The following SV2C variants were observed in gnomAD, a reference collection of about 807,000 sequenced individuals.
SV2C encodes the protein synaptic vesicle glycoprotein 2C.
SV2C carries 49 observed loss-of-function variants against 79.7 expected under a neutral mutation model. The ratio of observed to expected loss-of-function variants is 0.61; its 90% CI spans 0.49 to 0.78. SV2C has a LOEUF of 0.78. Among genes scored for constraint, SV2C ranks in the 30% least tolerant of loss-of-function variants. The probability of loss-of-function intolerance (pLI) is 0.00; values close to 1 mark genes in which losing one functional copy is unlikely to be tolerated. For missense variants in SV2C, 833 were observed against 912.9 expected (o/e 0.91, Z 1.13); for synonymous variants, 334 against 333.2 (o/e 1.00, Z -0.03).
At chr5:76,137,068 C>T (rs1484373816) in intron 2 of SV2C, among the ~76,000 whole-genome samples, 1 of 152,130 alleles carries the variant, frequency 6.6e-6, no homozygotes, top group Non-Finnish European at 1.5e-5. Flanking sequence ...TGACCATTTG[C>T]AAGTAATTTA....
At chr5:76,218,860 A>AGTC (rs1744983241) in intron 4 of SV2C, among the ~76,000 whole-genome samples, 1 of 4,194 alleles carries the variant, frequency 2.4e-4, no homozygotes, top group African/African-American at 8.8e-4. Context: ...GTAGTCTCGT[A>AGTC]TTTTCATATT....
chr5:76,034,643 T>C, the SV2C span, among the ~76,000 whole-genome samples: 33,450 of 152,048 alleles, frequency 0.22, 4,048 homozygotes, highest in East Asian at 0.49. Flanking sequence ...CTGCTGGATT[T>C]GGTTTGCCAG....
At chr5:76,003,756 A>G in the SV2C span, among the ~76,000 whole-genome samples, 252 of 152,228 alleles carry the variant, frequency 1.7e-3, 7 homozygotes, top group East Asian at 0.043. Flanking sequence ...TATAAAAAGC[A>G]GGGGCCATTT....
intron 12 of SV2C, among the ~76,000 whole-genome samples, chr5:76,303,073 T>C (rs1469765483): frequency 3.3e-5 from 5 of 152,168 alleles, no homozygotes; most frequent in Non-Finnish European, 7.4e-5. Context: ...TGCAGAACCC[T>C]GTAGGTACCC....
chr5:76,129,406 A>T (rs1437529782), intron 1 of SV2C, among the ~76,000 whole-genome samples: 1 of 150,656 alleles, frequency 6.6e-6, no homozygotes, highest in African/African-American at 2.5e-5. Context: ...GAGAACTTAT[A>T]TGTGCACATC....
the SV2C span, among the ~76,000 whole-genome samples, chr5:75,949,370 T>A: frequency 6.6e-6 from 1 of 152,026 alleles, no homozygotes; most frequent in Non-Finnish European, 1.5e-5. Flanking sequence ...AAGTGACCTA[T>A]TCAAGCTGTT....
At position 76,292,779 on chromosome 5, in the gene SV2C, A is replaced by G. The variant is rs187899336; in HGVS notation, c.1337+923A>G. Among the ~76,000 whole-genome samples, 3 of 152,352 alleles carry G rather than the reference A, an allele frequency of 2.0e-5. No homozygotes were observed. The East Asian group carries it at 5.8e-4, about 29-fold the overall frequency. ...CATATATGTGTTCCAGGAAAAGAGG[A>G]AATAGGGAGAAAATAACAAGATTTT... On this transcript the variant is annotated intron_variant, in intron 8 of 12. Transcript: ENST00000502798.
At chr5:76,063,728 T>C in the SV2C span, among the ~76,000 whole-genome samples, 1 of 152,146 alleles carries the variant, frequency 6.6e-6, no homozygotes, top group Non-Finnish European at 1.5e-5. Context: ...ATAAGAACCC[T>C]GAGAGAAATA....
At chr5:75,862,997 G>C in the SV2C span, among the ~76,000 whole-genome samples, 2 of 152,164 alleles carry the variant, frequency 1.3e-5, no homozygotes, top group Non-Finnish European at 2.9e-5. Context: ...CTGTTACCTG[G>C]TGTGGATTCC....
the SV2C span, among the ~76,000 whole-genome samples, chr5:75,912,841 A>G: frequency 6.6e-6 from 1 of 152,242 alleles, no homozygotes; most frequent in Non-Finnish European, 1.5e-5. Context: ...AATCCAAAGT[A>G]AGGTACTTTT....
intron 4 of SV2C, among the ~76,000 whole-genome samples, chr5:76,252,211 C>G (rs916029209): frequency 2.0e-5 from 3 of 152,190 alleles, no homozygotes; most frequent in Admixed American, 6.5e-5. Flanking sequence ...CCTCTGCCTC[C>G]TGAGTTCAAG....
the SV2C span, among the ~76,000 whole-genome samples, chr5:75,996,025 G>T: frequency 1.3e-5 from 2 of 152,142 alleles, no homozygotes; most frequent in Non-Finnish European, 2.9e-5. Context: ...GATCCTGCAG[G>T]CAGGCACTGG....
chr5:76,019,335 A>G, the SV2C span, among the ~76,000 whole-genome samples: 1 of 152,146 alleles, frequency 6.6e-6, no homozygotes, highest in Non-Finnish European at 1.5e-5. Context: ...ACCAGAATTC[A>G]GTGGGTTGAG....
At position 76,332,504 on chromosome 5, in the gene SV2C, G is replaced by A. The variant is rs1214327525; in HGVS notation, c.*6957G>A. The A allele has an allele frequency of 6.6e-6, 1 of 152,112 alleles. No homozygotes were observed. Among genetic ancestry groups the A allele is most frequent in the Non-Finnish European group, 1.5e-5 (1 of 68,018 alleles). 9.4% of individuals were successfully genotyped at this position (152,112 alleles called of 1,614,324 possible). A position where few individuals can be genotyped will look rare whatever the true frequency, so the allele number is the denominator to read the frequency against. On this transcript the variant is annotated 3_prime_UTR_variant, in exon 13 of 13. Transcript: ENST00000502798. ...TAGATAAATTATAGCTAAAAGCAAA[G>A]GCAACATATAGTCAAAGCTCATCAC...
At position 76,331,723 on chromosome 5, in the gene SV2C, A is replaced by T. The variant is rs560460317; in HGVS notation, c.*6176A>T. 6.6e-6 allele frequency: 1 copy of T among 152,290 alleles called. No homozygotes were observed. Among genetic ancestry groups the T allele is most frequent in the South Asian group, 2.1e-4 (1 of 4,816 alleles). 9.4% of individuals were successfully genotyped at this position (152,290 alleles called of 1,614,324 possible). A position where few individuals can be genotyped will look rare whatever the true frequency, so the allele number is the denominator to read the frequency against. ...GACAACCTCTTAATTCTAGCAGTGT[A>T]CAAAAGCAAGGCCAAGCTTTCCTGG... On this transcript the variant is annotated 3_prime_UTR_variant, in exon 13 of 13. Coordinates refer to ENST00000502798, the MANE Select transcript of SV2C (RefSeq NM_014979.4).
At chr5:76,084,840 G>T (rs1310849697) in intron 1 of SV2C, among the ~76,000 whole-genome samples, 1 of 151,690 alleles carries the variant, frequency 6.6e-6, no homozygotes, top group Non-Finnish European at 1.5e-5. Context: ...CGGGAGGACT[G>T]CGGCGGCGCG....
intron 4 of SV2C, among the ~76,000 whole-genome samples, chr5:76,276,462 A>G (rs1747024500): frequency 6.6e-6 from 1 of 152,106 alleles, no homozygotes; most frequent in Non-Finnish European, 1.5e-5. Flanking sequence ...CAGCCTCCCA[A>G]GCAGCTGGGA....
At chr5:75,907,555 G>C in the SV2C span, among the ~76,000 whole-genome samples, 1 of 152,164 alleles carries the variant, frequency 6.6e-6, no homozygotes, top group African/African-American at 2.4e-5. Context: ...CCATGAGAGA[G>C]AGTAATAAGA....
At chr5:76,151,437 GAGAC>G (rs2112230332) in intron 2 of SV2C, among the ~76,000 whole-genome samples, 1 of 152,334 alleles carries the variant, frequency 6.6e-6, no homozygotes, top group Admixed American at 6.5e-5. Flanking sequence ...TGTCATTTGG[GAGAC>G]TGCTGTGTGT....
Sources: gnomAD v4.1 joint callset for allele counts (sites outside exome capture counted in the v4.1 genomes callset) on GRCh38, gnomAD v4.1.1 for gene constraint, MANE v1.5 for transcripts, NCBI Gene and HGNC (gene_info 2026-07-23, HGNC 2026-07-21) for gene names.